The following ALDH7A1 variants were observed in gnomAD, a reference collection of about 807,000 sequenced individuals.
ALDH7A1 encodes alpha-aminoadipic semialdehyde dehydrogenase.
ALDH7A1 carries 63 observed loss-of-function variants against 79.9 expected under a neutral mutation model. That is an observed-to-expected ratio of 0.79 (90% CI 0.64 to 0.97). ALDH7A1 has a LOEUF of 0.97. ALDH7A1 is among the 50% of genes least tolerant of loss of function. The pLI is 0.00. For missense variants in ALDH7A1, 627 were observed against 665.2 expected (o/e 0.94, Z 0.63); for synonymous variants, 240 against 231.2 (o/e 1.04, Z -0.34).
In ALDH7A1 at chr5:126,577,202, T is replaced by A; in HGVS notation, c.527A>T (p.His176Leu). Residue 176 changes from histidine to leucine, a missense_variant, in exon 6 of 18, where the codon CAT becomes CTT. His to Leu is a moderately conservative substitution (Grantham distance 99, BLOSUM62 -3). Transcript: ENST00000409134. ...GPILPSERSGHALIEQWNPVG... is the reference protein window; with the variant it reads ...GPILPSERSGLALIEQWNPVG... ...GGGATTCCACTGCTCAATCAGTGCATGGCCAGATCCTGAGGACAGAAAAAG... is the reference window on the plus strand; with the variant it reads ...GGGATTCCACTGCTCAATCAGTGCAAGGCCAGATCCTGAGGACAGAAAAAG... The A allele has an allele frequency of 6.2e-7, 1 of 1,614,142 alleles. No individual in the cohort carries two copies.
chr5:126,570,362 G>T (rs1402757801), intron 8 of ALDH7A1: 4 of 194,866 alleles, frequency 2.1e-5, no homozygotes, highest in Non-Finnish European at 4.2e-5. Context: ...ACTAAAAAGA[G>T]GCTGTGTTCC....
At position 126,544,753 on chromosome 5, in the gene ALDH7A1, T is replaced by G. The variant is rs143317618; in HGVS notation, c.*212A>C. On this transcript the variant is annotated 3_prime_UTR_variant, in exon 18 of 18. Coordinates refer to ENST00000409134, the MANE Select transcript of ALDH7A1 (RefSeq NM_001182.5). ...ATAATAAAAATCCACCTAACTCATC[T>G]TTTAGTAACTATGGCTATGTTGTAA... is the stretch of plus-strand genomic sequence containing the variant. 115 of 560,894 alleles carry G rather than the reference T, an allele frequency of 2.1e-4. 1 individual carries two copies. The highest frequency in any genetic ancestry group is 2.0e-3 in the African/African-American group (105 of 53,122). 34.7% of individuals were successfully genotyped at this position (560,894 alleles called of 1,614,324 possible). A position where few individuals can be genotyped will look rare whatever the true frequency, so the allele number is the denominator to read the frequency against.
intron 2 of ALDH7A1, 40 bp downstream of exon 2, chr5:126,593,311 A>ACACACACACACG: frequency 1.0e-6 from 1 of 974,160 alleles, no homozygotes; most frequent in East Asian, 3.4e-5. Context: ...TGAATTAAAC[A>ACACACACACACG]CACACACACA....
chr5:126,593,343 A>ACACACACACT lies in ALDH7A1; in HGVS notation c.246+7_246+8insAGTGTGTGTG. On this transcript the variant is annotated splice_region_variant and intron_variant, in intron 2 of 17. Coordinates refer to ENST00000409134, the MANE Select transcript of ALDH7A1 (RefSeq NM_001182.5). ...CACACACACACACACACACACACAC[A>ACACACACACT]CTCTTACCTGTCGGACTCTTGCTAT... is the stretch of plus-strand genomic sequence containing the variant. 6.2e-7 allele frequency: 1 copy of ACACACACACT among 1,608,142 alleles called. No homozygotes were observed. The highest frequency in any genetic ancestry group is 1.4e-5 in the African/African-American group (1 of 73,022).
chr5:126,546,302 T>C (rs1480949151), intron 17 of ALDH7A1, 22 bp downstream of exon 17: 1 of 1,613,030 alleles, frequency 6.2e-7, no homozygotes, highest in Non-Finnish European at 8.5e-7. Context: ...CCCAAACCTA[T>C]CTTCCCAAAG....
At chr5:126,557,309 G>A (rs921981956) in intron 11 of ALDH7A1, among the ~76,000 whole-genome samples, 8 of 152,170 alleles carry the variant, frequency 5.3e-5, no homozygotes, top group Non-Finnish European at 7.4e-5. Context: ...GTGAGAGGCC[G>A]GGTGCGGTGG....
At chr5:126,565,778 A>G (rs1321322753) in intron 9 of ALDH7A1, among the ~76,000 whole-genome samples, 2 of 152,218 alleles carry the variant, frequency 1.3e-5, no homozygotes, top group Admixed American at 1.3e-4. Context: ...GAGATGTAGT[A>G]GGGGCCTGAC....
intron 1 of ALDH7A1, chr5:126,594,438 ATTTTTTTTT>A (rs34684581): frequency 1.6e-5 from 3 of 184,584 alleles, no homozygotes; most frequent in South Asian, 1.6e-4. Flanking sequence ...TAAGGTTTTA[ATTTTTTTTT>A]TTTTTTTTTT....
intron 2 of ALDH7A1, 116 bp downstream of exon 2, chr5:126,593,235 A>G: frequency 6.8e-7 from 1 of 1,475,506 alleles, no homozygotes; most frequent in Non-Finnish European, 9.2e-7. Context: ...ATTTTATATT[A>G]TTCTTGACCT....
chr5:126,554,614 T>A, intron 12 of ALDH7A1: 2 of 562,222 alleles, frequency 3.6e-6, no homozygotes, highest in Non-Finnish European at 6.4e-6. Flanking sequence ...GTAATTGTAG[T>A]GCAAAAGCAG....
At chr5:126,573,342 CTT>C in intron 7 of ALDH7A1, among the ~76,000 whole-genome samples, 19 of 151,992 alleles carry the variant, frequency 1.3e-4, no homozygotes, top group African/African-American at 4.6e-4. Context: ...AGGCAGATGA[CTT>C]GAGGCCAGGA....
Position 126,589,842 on chromosome 5 carries a change from C to T in ALDH7A1, c.312+2822G>A, listed in dbSNP as rs113087716. 8.4e-3 allele frequency among the ~76,000 whole-genome samples: 1,279 copies of T among 151,514 alleles called. 21 individuals are homozygous for T. Among genetic ancestry groups the T allele is most frequent in the East Asian group, 0.048 (245 of 5,068 alleles). ...GTGAGGAGGACCTCTGCCCAGCTGC[C>T]GCCCCATCTGGGAAGTAAGAAGCGC... On this transcript the variant is annotated intron_variant, in intron 3 of 17. Coordinates refer to ENST00000409134, the MANE Select transcript of ALDH7A1 (RefSeq NM_001182.5).
intron 6 of ALDH7A1, among the ~76,000 whole-genome samples, chr5:126,576,036 C>A (rs548843022): frequency 2.6e-5 from 4 of 151,976 alleles, no homozygotes; most frequent in Non-Finnish European, 5.9e-5. Flanking sequence ...CCGAGACGGG[C>A]GGATCACGAG....
intron 7 of ALDH7A1, chr5:126,571,151 T>TA: frequency 1.5e-5 from 1 of 68,134 alleles, no homozygotes; most frequent in Non-Finnish European, 2.4e-5. Flanking sequence ...TATTAGCAGA[T>TA]TTTTTTTTTT....
intron 5 of ALDH7A1, among the ~76,000 whole-genome samples, chr5:126,582,377 A>C (rs1751207357): frequency 6.6e-6 from 1 of 152,242 alleles, no homozygotes. Flanking sequence ...AGGGGAAGAC[A>C]ACCTTCACAA....
rs768446830 is a variant in ALDH7A1, at chr5:126,567,478, C to CT, written c.871+780dup. Among the ~76,000 whole-genome samples the CT allele has an allele frequency of 1.3e-3, 187 of 145,976 alleles. 1 individual carries two copies. The highest frequency in any genetic ancestry group is 1.4e-3 in the Admixed American group (20 of 14,594). On this transcript the variant is annotated intron_variant, in intron 9 of 17. Coordinates refer to ENST00000409134, the MANE Select transcript of ALDH7A1 (RefSeq NM_001182.5). Reference sequence around the variant, plus strand: ...GAGAGAAAATGACTTCCTTTCATAACTTTTTTTTTTTTTTAGACGGAGTCT... The same window carrying CT: ...GAGAGAAAATGACTTCCTTTCATAACTTTTTTTTTTTTTTTAGACGGAGTCT...
intron 3 of ALDH7A1, among the ~76,000 whole-genome samples, chr5:126,591,323 T>C (rs1407976731): frequency 6.6e-6 from 1 of 151,996 alleles, no homozygotes; most frequent in African/African-American, 2.4e-5. Context: ...GCCATACTTC[T>C]ATCCATAATT....
At chr5:126,588,450 G>A (rs1166744742) in intron 3 of ALDH7A1, 4 of 152,150 alleles carry the variant, frequency 2.6e-5, no homozygotes, top group African/African-American at 9.7e-5. Flanking sequence ...GTGCACTCCA[G>A]CCTAGGCAAG....
chr5:126,552,020 C>A lies in ALDH7A1; in HGVS notation c.1317+1G>T. 1 of 1,609,090 alleles carries A rather than the reference C, an allele frequency of 6.2e-7. No individual in the cohort carries two copies. Among genetic ancestry groups the A allele is most frequent in the Non-Finnish European group, 8.5e-7 (1 of 1,176,344 alleles). On this transcript the variant is annotated splice_donor_variant, in intron 14 of 17. Transcript: ENST00000409134. LOFTEE classifies it high-confidence loss of function. ...GGCTAGCGAACAGAATGCATTTTTA[C>A]CTTGAATTTAAAGACATAGAGAATC...
Sources: allele counts gnomAD v4.1 joint callset (sites outside exome capture counted in the v4.1 genomes callset), GRCh38; gene constraint gnomAD v4.1.1; transcripts MANE v1.5; gene names NCBI Gene and HGNC (gene_info 2026-07-23, HGNC 2026-07-21).